The following GLI2 variants were observed in gnomAD, a reference collection of about 807,000 sequenced individuals.
GLI2 encodes GLI family zinc finger 2, also known as transcription activator GLI2.
Under a neutral mutation model 78.9 loss-of-function variants are expected in GLI2, and 22 were observed. That is an observed-to-expected ratio of 0.28 (90% confidence interval 0.20 to 0.40). GLI2 has a LOEUF of 0.40. Ranked by LOEUF, GLI2 falls within the 10% of genes least tolerant of loss-of-function variation. The probability of loss-of-function intolerance (pLI) is 1.00; values close to 1 mark genes in which losing one functional copy is unlikely to be tolerated. For synonymous variants in GLI2, 974 were observed against 963.7 expected (o/e 1.01, Z -0.20); for missense variants, 2,097 against 2,213.2 (o/e 0.95, Z 1.05).
At chr2:120,773,723 T>C in intron 1 of GLI2, among the ~76,000 whole-genome samples, 1 of 152,064 alleles carries the variant, frequency 6.6e-6, no homozygotes, top group East Asian at 1.9e-4. Flanking sequence ...AGGTGGCAGG[T>C]GGCAGGCAGC....
Position 120,797,433 on chromosome 2 carries a change from C to T in GLI2, c.113C>T (p.Ala38Val). 6.2e-7 allele frequency: 1 copy of T among 1,614,034 alleles called. No individual in the cohort carries two copies. Among genetic ancestry groups the T allele is most frequent in the Non-Finnish European group, 8.5e-7 (1 of 1,179,932 alleles). The change falls in exon 2 of 14, where the codon GCT (alanine) becomes GTT (valine). Residue 38 changes from alanine to valine, a missense_variant. Ala to Val is a moderately conservative substitution (Grantham distance 64). Around this residue, in one of 5 missense-constraint regions of GLI2, gnomAD observed 578 missense variants for 612.0 expected, o/e 0.94. Coordinates refer to ENST00000361492, the MANE Select transcript of GLI2 (RefSeq NM_001374353.1). ...AAAAAGGCCTCTCCTTTGGTGGTGG[C>T]TGCAGCGGCAGCAGCAGCGGTAGCT... Reference protein sequence around the residue: ...PGKKASPLVVAAAAAAAVAAQ... With the variant: ...PGKKASPLVVVAAAAAAVAAQ...
Position 120,988,724 on chromosome 2 carries a change from C to A in GLI2, c.2759C>A (p.Pro920Gln). The A allele has an allele frequency of 8.4e-7, 1 of 1,196,856 alleles. No homozygotes were observed. Among genetic ancestry groups the A allele is most frequent in the Non-Finnish European group, 1.0e-6 (1 of 963,252 alleles). 74.1% of individuals were successfully genotyped at this position (1,196,856 alleles called of 1,614,324 possible). A position where few individuals can be genotyped will look rare whatever the true frequency, so the allele number is the denominator to read the frequency against. ...LPAGCPRPLG[P>Q]RRGSDGPTYG... is the part of the protein sequence containing the mutation. ...GCCGGCTGCCCACGCCCACTGGGGC[C>A]GCGGCGTGGCAGCGACGGGCCGACC... The change falls in exon 14 of 14, where the codon CCG (proline) becomes CAG (glutamine). Residue 920 changes from proline (P) to glutamine (Q), a missense_variant. Coordinates refer to ENST00000361492, the MANE Select transcript of GLI2 (RefSeq NM_001374353.1).
chr2:120,890,651 C>G (rs889399550), intron 2 of GLI2, among the ~76,000 whole-genome samples: 4 of 152,182 alleles, frequency 2.6e-5, no homozygotes, highest in Admixed American at 1.3e-4. Flanking sequence ...CCTGTTACTT[C>G]TTACAGCTGC....
chr2:120,913,881 G>A (rs1340346060), intron 2 of GLI2, among the ~76,000 whole-genome samples: 1 of 152,228 alleles, frequency 6.6e-6, no homozygotes, highest in Non-Finnish European at 1.5e-5. Flanking sequence ...GGGCCTGGTG[G>A]AGACCAAATG....
chr2:120,867,960 C>T (rs891128598), intron 2 of GLI2, among the ~76,000 whole-genome samples: 3 of 152,278 alleles, frequency 2.0e-5, no homozygotes, highest in East Asian at 3.9e-4. Context: ...CCCAGGCGAG[C>T]GTGCCAGGGA....
At chr2:120,880,478 C>T (rs553070892) in intron 2 of GLI2, among the ~76,000 whole-genome samples, 7 of 152,282 alleles carry the variant, frequency 4.6e-5, no homozygotes, top group African/African-American at 1.4e-4. Flanking sequence ...TTCCCCGCCT[C>T]GCAGACAAGG....
chr2:120,981,036 C>T (rs555310598), intron 10 of GLI2, among the ~76,000 whole-genome samples: 2 of 152,114 alleles, frequency 1.3e-5, no homozygotes, highest in South Asian at 2.1e-4. Flanking sequence ...ACGCACCACA[C>T]GCCTGGCTAA....
chr2:120,963,480 ATGTGTCTCCACCTGGGGTG>A (rs373559363), intron 5 of GLI2, among the ~76,000 whole-genome samples: 4 of 151,574 alleles, frequency 2.6e-5, no homozygotes, highest in East Asian at 1.9e-4. Context: ...CACCTGGGGT[ATGTGTCTCCACCTGGGGTG>A]TGTGTCTCCA....
rs752023992 is a variant in GLI2 at position 120,990,480 on chromosome 2, G to A, written c.4515G>A (p.Ser1505=). The change falls in exon 14 of 14, where the codon TCG becomes TCA. Residue 1505 remains serine (S), a synonymous_variant. Coordinates refer to ENST00000361492, the MANE Select transcript of GLI2 (RefSeq NM_001374353.1). ...CCATCATGGATGATGGCGATCACTC[G>A]AGTTTGTTCTCGGGTGCTCTGAGCC... The part of the protein sequence containing the change: ...FDAIMDDGDH[S]SLFSGALSPS... 3.2e-5 allele frequency: 52 copies of A among 1,613,740 alleles called. No homozygotes were observed. Among genetic ancestry groups the A allele is most frequent in the Middle Eastern group, 1.6e-4 (1 of 6,082 alleles).
At chr2:120,799,973 G>A (rs1177535817) in intron 2 of GLI2, among the ~76,000 whole-genome samples, 1 of 152,184 alleles carries the variant, frequency 6.6e-6, no homozygotes, top group East Asian at 1.9e-4. Flanking sequence ...TCTGGTGCTG[G>A]GCCTGGCATG....
intron 2 of GLI2, among the ~76,000 whole-genome samples, chr2:120,842,057 T>G (rs1686907855): frequency 1.2e-5 from 1 of 83,642 alleles, no homozygotes; most frequent in African/African-American, 5.5e-5. Flanking sequence ...ATTTGTCAAC[T>G]CAAAAAAAAA....
chr2:120,787,035 C>T (rs576219394), intron 1 of GLI2, among the ~76,000 whole-genome samples: 29 of 152,294 alleles, frequency 1.9e-4, no homozygotes, highest in African/African-American at 5.1e-4. Flanking sequence ...TAAAGGGACA[C>T]GGACACGTAA....
At chr2:120,789,029 C>CTTTTTTT (rs765758623) in intron 1 of GLI2, among the ~76,000 whole-genome samples, 1 of 135,498 alleles carries the variant, frequency 7.4e-6, no homozygotes, top group African/African-American at 3.2e-5. Flanking sequence ...TTATTTCTTT[C>CTTTTTTT]TTTCTTTTTT....
intron 3 of GLI2, among the ~76,000 whole-genome samples, chr2:120,941,132 C>T (rs1407468240): frequency 6.6e-6 from 1 of 152,216 alleles, no homozygotes; most frequent in Non-Finnish European, 1.5e-5. Flanking sequence ...ACAGAGCCTC[C>T]CCATGAGGAC....
intron 6 of GLI2, 102 bp from the exon 7 acceptor site, chr2:120,970,290 CT>C (rs1457014069): frequency 2.9e-6 from 2 of 696,674 alleles, no homozygotes; most frequent in African/African-American, 3.5e-5. Flanking sequence ...TAGCAACATG[CT>C]CATCCCTATC....
intron 5 of GLI2, among the ~76,000 whole-genome samples, chr2:120,960,856 C>T (rs60082263): frequency 4.6e-5 from 7 of 152,326 alleles, no homozygotes; most frequent in African/African-American, 1.7e-4. Flanking sequence ...TCCCTGGTCT[C>T]CCAGTGGTGG....
intron 1 of GLI2, among the ~76,000 whole-genome samples, chr2:120,773,372 G>T (rs185012565): frequency 1.3e-5 from 2 of 152,258 alleles, no homozygotes; most frequent in Admixed American, 1.3e-4. Flanking sequence ...GTGTGAGGGG[G>T]AAGAATCCCA....
intron 7 of GLI2, among the ~76,000 whole-genome samples, chr2:120,971,655 G>A (rs986695509): frequency 6.6e-6 from 1 of 152,208 alleles, no homozygotes; most frequent in Non-Finnish European, 1.5e-5. Context: ...ACAGGAGCAA[G>A]GGCACCCTGC....
chr2:120,754,104 A>C (rs1255924148), intron 1 of GLI2, among the ~76,000 whole-genome samples: 1 of 152,012 alleles, frequency 6.6e-6, no homozygotes, highest in African/African-American at 2.4e-5. Context: ...TATAGGGTAC[A>C]TTATAACCAT....
Sources: allele counts gnomAD v4.1 joint callset (sites outside exome capture counted in the v4.1 genomes callset), GRCh38; gene constraint gnomAD v4.1.1; regional missense constraint gnomAD v4.1.1; transcripts MANE v1.5; gene names NCBI Gene and HGNC (gene_info 2026-07-23, HGNC 2026-07-21).